Variants in ACSM2B observed in about 807,000 individuals in gnomAD.
ACSM2B encodes acyl-coenzyme A synthetase ACSM2B, mitochondrial.
Under a neutral mutation model 78.6 loss-of-function variants are expected in ACSM2B, and 58 were observed. That is an observed-to-expected ratio of 0.74 (90% CI 0.60 to 0.92). The LOEUF is 0.92. Ranked by LOEUF, ACSM2B falls within the 40% of genes least tolerant of loss-of-function variation. The pLI is 0.00. For missense variants in ACSM2B, 688 were observed against 711.2 expected (o/e 0.97, Z 0.37); for synonymous variants, 257 against 256.8 (o/e 1.00, Z -0.01).
Position 20,537,088 on chromosome 16 carries a change from T to A in ACSM2B, c.*170A>T. 1 of 758,916 alleles carries A rather than the reference T, an allele frequency of 1.3e-6. No individual in the cohort carries two copies. The highest frequency in any genetic ancestry group is 2.1e-6 in the Non-Finnish European group (1 of 473,678). 47.0% of individuals were successfully genotyped at this position (758,916 alleles called of 1,614,324 possible). A position where few individuals can be genotyped will look rare whatever the true frequency, so the allele number is the denominator to read the frequency against. On this transcript the variant is annotated 3_prime_UTR_variant, in exon 14 of 14. Coordinates refer to ENST00000329697, the MANE Select transcript of ACSM2B (RefSeq NM_001105069.2). ...CACTCTCTCTCATTCCTTCCCTTTCTTATTTCAATATCTAACATAGTAATG... is the reference window on the plus strand; with the variant it reads ...CACTCTCTCTCATTCCTTCCCTTTCATATTTCAATATCTAACATAGTAATG...
chr16:20,562,993 AATTCC>A (rs2015710244), intron 2 of ACSM2B, among the ~76,000 whole-genome samples: 1 of 152,076 alleles, frequency 6.6e-6, no homozygotes, highest in Non-Finnish European at 1.5e-5. Context: ...ACATCTCTAT[AATTCC>A]ATTCCCAACC....
intron 1 of ACSM2B, among the ~76,000 whole-genome samples, chr16:20,576,004 C>G (rs536565772): frequency 6.7e-6 from 1 of 150,010 alleles, no homozygotes; most frequent in Admixed American, 6.6e-5. Context: ...GCCCTCGTCT[C>G]TCCCTGTTGC....
intron 1 of ACSM2B, among the ~76,000 whole-genome samples, chr16:20,571,049 T>G (rs1290797906): frequency 1.3e-5 from 2 of 151,848 alleles, no homozygotes; most frequent in Non-Finnish European, 2.9e-5. Context: ...TCTTTTGTAT[T>G]TTTTTATCTC....
intron 1 of ACSM2B, among the ~76,000 whole-genome samples, chr16:20,569,846 T>C (rs1360490663): frequency 6.6e-6 from 1 of 151,936 alleles, no homozygotes; most frequent in Non-Finnish European, 1.5e-5. Flanking sequence ...GAGTTCTTGA[T>C]TTAATTCTCA....
Position 20,536,996 on chromosome 16 carries a change from C to T in ACSM2B, c.*262G>A. 2.9e-6 allele frequency: 1 copy of T among 344,920 alleles called. No homozygotes were observed. The highest frequency in any genetic ancestry group is 5.2e-6 in the Non-Finnish European group (1 of 193,538). 21.4% of individuals were successfully genotyped at this position (344,920 alleles called of 1,614,324 possible). On this transcript the variant is annotated 3_prime_UTR_variant, in exon 14 of 14. Coordinates refer to ENST00000329697, the MANE Select transcript of ACSM2B (RefSeq NM_001105069.2). Reference sequence around the variant, plus strand: ...ACTTTATTTCTTTTTCAATTGCTTTCTCTTGCAGTTTTTAACATTTCCCTG... The same window carrying T: ...ACTTTATTTCTTTTTCAATTGCTTTTTCTTGCAGTTTTTAACATTTCCCTG...
chr16:20,557,836 T>A (rs1159253846), intron 3 of ACSM2B, among the ~76,000 whole-genome samples: 1 of 152,224 alleles, frequency 6.6e-6, no homozygotes, highest in African/African-American at 2.4e-5. Context: ...GGAAAAATTA[T>A]GACACTGAGG....
At chr16:20,545,031 A>T in intron 10 of ACSM2B, 126 bp downstream of exon 10, 4 of 1,292,944 alleles carry the variant, frequency 3.1e-6, no homozygotes, top group Non-Finnish European at 4.1e-6. Context: ...ACATTCTTGA[A>T]AACTGGACAC....
intron 1 of ACSM2B, among the ~76,000 whole-genome samples, chr16:20,567,621 A>T: frequency 7.3e-6 from 1 of 136,652 alleles, no homozygotes; most frequent in Admixed American, 8.2e-5. Context: ...AATATATAGT[A>T]TATTATATCT....
chr16:20,551,998 C>G, intron 6 of ACSM2B, 146 bp downstream of exon 6: 3 of 1,373,660 alleles, frequency 2.2e-6, no homozygotes, highest in South Asian at 3.1e-5. Flanking sequence ...GGTCAGGGAC[C>G]ATTTCCATCT....
At chr16:20,544,951 C>T in intron 10 of ACSM2B, 3 of 1,013,320 alleles carry the variant, frequency 3.0e-6, no homozygotes, top group Non-Finnish European at 4.0e-6. Flanking sequence ...ATAAGTCTTC[C>T]AATGAGATCA....
chr16:20,544,955 G>A (rs2152133285), intron 10 of ACSM2B: 1 of 1,008,762 alleles, frequency 9.9e-7, no homozygotes, highest in East Asian at 2.9e-5. Flanking sequence ...GTCTTCCAAT[G>A]AGATCACAGT....
rs1322506627 is a variant in ACSM2B, at chr16:20,567,416, T to G, written c.-8-2563A>C. On this transcript the variant is annotated intron_variant, in intron 1 of 13. Transcript: ENST00000329697. ...CATATACAATATATTATATAATATA[T>G]AATATAGTATATTAATATATAATAT... is the stretch of plus-strand genomic sequence containing the variant. Among the ~76,000 whole-genome samples the G allele has an allele frequency of 5.0e-5, 6 of 118,898 alleles. No homozygotes were observed. In the South Asian group the frequency reaches 1.3e-3, roughly 27 times the overall value. The allele number at this position is 118,898 out of a possible 152,430, so 78.0% of individuals were successfully genotyped here.
intron 1 of ACSM2B, among the ~76,000 whole-genome samples, chr16:20,567,215 AC>A (rs2015926064): frequency 7.6e-6 from 1 of 131,338 alleles, no homozygotes; most frequent in African/African-American, 2.8e-5. Context: ...TATATATTAT[AC>A]TATATACTAT....
chr16:20,554,074 C>T (rs6497500), intron 4 of ACSM2B, 154 bp from the exon 5 acceptor site: 295,854 of 1,165,610 alleles, frequency 0.25, 52,308 homozygotes, highest in East Asian at 0.89. Flanking sequence ...ATCATGGGAG[C>T]CTGAGTCAAT....
chr16:20,548,573 T>A (rs2015213845), intron 6 of ACSM2B, 100 bp from the exon 7 acceptor site: 1 of 1,593,156 alleles, frequency 6.3e-7, no homozygotes, highest in South Asian at 1.1e-5. Context: ...GTTGTAGAGG[T>A]CTGGATGAAA....
chr16:20,543,265 G>A lies in ACSM2B; in HGVS notation c.1282-3C>T. ...GCTGCTGTCTTGTCGGGATTTTCCT[G>A]GTGACCACAGAAAGACAGAGTCATT... On this transcript the variant is annotated splice_polypyrimidine_tract_variant and splice_region_variant and intron_variant, in intron 10 of 13. Transcript: ENST00000329697. The A allele has an allele frequency of 2.5e-6, 4 of 1,610,488 alleles. No individual in the cohort carries two copies. The highest frequency in any genetic ancestry group is 3.4e-6 in the Non-Finnish European group (4 of 1,179,858).
At chr16:20,554,170 C>T (rs1408010911) in intron 4 of ACSM2B, 1 of 652,766 alleles carries the variant, frequency 1.5e-6, no homozygotes, top group Admixed American at 2.1e-5. Flanking sequence ...CTGTGTCTCA[C>T]TTTATATCTG....
chr16:20,554,986 A>G (rs113470641), intron 4 of ACSM2B, among the ~76,000 whole-genome samples: 5 of 152,176 alleles, frequency 3.3e-5, no homozygotes, highest in Admixed American at 3.3e-4. Context: ...TGAACCTGTG[A>G]GGACCAGATG....
At position 20,553,904 on chromosome 16, in the gene ACSM2B, G is replaced by A. The variant is rs1301981099; in HGVS notation, c.613C>T (p.His205Tyr). The stretch of plus-strand genomic sequence containing the variant: ...TGGCTTCCAGTCTCCACACAGTGAT[G>A]AGTGGTGGATGCCTCACTGACAAAG... ...KKLLNEASTT[H>Y]HCVETGSQEA... The change falls in exon 5 of 14, where the codon CAT becomes TAT. Residue 205 changes from histidine to tyrosine, a missense_variant. His to Tyr is a moderately conservative substitution (Grantham distance 83). Transcript: ENST00000329697. The A allele has an allele frequency of 1.4e-5, 22 of 1,613,638 alleles. No individual in the cohort carries two copies. The highest frequency in any genetic ancestry group is 1.9e-5 in the Non-Finnish European group (22 of 1,179,776).
Sources: allele counts gnomAD v4.1 joint callset (sites outside exome capture counted in the v4.1 genomes callset), GRCh38; gene constraint gnomAD v4.1.1; transcripts MANE v1.5; gene names NCBI Gene and HGNC (gene_info 2026-07-23, HGNC 2026-07-21).